The following IGSF10 variants were observed in gnomAD, a reference collection of about 807,000 sequenced individuals.
IGSF10 encodes calvaria mechanical force protein 608.
Under a neutral mutation model 128.2 loss-of-function variants are expected in IGSF10, and 126 were observed. The ratio of observed to expected loss-of-function variants is 0.98; its 90% CI spans 0.85 to 1.14. The LOEUF (loss-of-function observed/expected upper bound fraction) is 1.14. Among genes scored for constraint, IGSF10 ranks in the 50% most tolerant of loss-of-function variants. The probability of loss-of-function intolerance (pLI) is 0.00; values close to 1 mark genes in which losing one functional copy is unlikely to be tolerated. For missense variants in IGSF10, 3,295 were observed against 3,149.8 expected, an observed-to-expected ratio of 1.05 and a Z score of -1.10; for synonymous variants, 1,185 against 1,146.2, an observed-to-expected ratio of 1.03 and a Z score of -0.68.
the IGSF10 span, among the ~76,000 whole-genome samples, chr3:151,585,982 ATT>A: frequency 8.5e-5 from 12 of 141,866 alleles, no homozygotes; most frequent in Non-Finnish European, 6.2e-5. Flanking sequence ...CACATTAACC[ATT>A]TTTTTTTTTT....
At chr3:151,531,899 G>GT in the IGSF10 span, among the ~76,000 whole-genome samples, 110 of 151,922 alleles carry the variant, frequency 7.2e-4, no homozygotes, top group African/African-American at 1.2e-3. Context: ...CCAGGAGCTG[G>GT]TTTTTTTTAA....
chr3:151,570,147 G>A, the IGSF10 span, among the ~76,000 whole-genome samples: 9 of 152,264 alleles, frequency 5.9e-5, no homozygotes, highest in East Asian at 1.7e-3. Context: ...TTGGACATTT[G>A]GGTTGGTTCC....
At chr3:151,499,031 T>C in the IGSF10 span, among the ~76,000 whole-genome samples, 7 of 152,100 alleles carry the variant, frequency 4.6e-5, no homozygotes, top group African/African-American at 1.7e-4. Context: ...ATAGGAGGCA[T>C]TTACATTTAA....
At chr3:151,490,468 A>G in the IGSF10 span, among the ~76,000 whole-genome samples, 2 of 151,880 alleles carry the variant, frequency 1.3e-5, no homozygotes, top group Admixed American at 6.6e-5. Flanking sequence ...GATCAATTAG[A>G]CAGAAAATTA....
chr3:151,566,954 T>A, the IGSF10 span, among the ~76,000 whole-genome samples: 2 of 152,326 alleles, frequency 1.3e-5, no homozygotes, highest in East Asian at 3.9e-4. Flanking sequence ...TCGTCTAATG[T>A]CATAGCCTTT....
chr3:151,519,885 G>C, the IGSF10 span, among the ~76,000 whole-genome samples: 78,716 of 151,412 alleles, frequency 0.52, 21,152 homozygotes, highest in East Asian at 0.74. Context: ...TTTTCAAGCT[G>C]AAAGAAAGAC....
rs1720412033 is a variant in IGSF10 at position 151,437,364 on chromosome 3, A to AGAAAT, written c.7192_7196dup (p.Lys2400PhefsTer26). The stretch of plus-strand genomic sequence containing the variant: ...TTCCTGCATCCTCCCGAGTTGTTTT[A>AGAAAT]GAAATGATAAAAGAACCATTGCTTG... On this transcript the variant is annotated frameshift_variant, in exon 8 of 8. Transcript: ENST00000282466. LOFTEE classifies it low-confidence loss of function (END_TRUNC). 7 of 1,614,098 alleles carry AGAAAT rather than the reference A, an allele frequency of 4.3e-6. No individual in the cohort carries two copies. The highest frequency in any genetic ancestry group is 1.3e-5 in the African/African-American group (1 of 74,944).
chr3:151,494,067 G>A, the IGSF10 span, among the ~76,000 whole-genome samples: 2 of 151,992 alleles, frequency 1.3e-5, no homozygotes, highest in African/African-American at 4.8e-5. Flanking sequence ...ATACATTCCG[G>A]AAGAGAAAAT....
At position 151,437,239 on chromosome 3, in the gene IGSF10, G is replaced by C. The variant is rs1383607528; in HGVS notation, c.7322C>G (p.Thr2441Arg). 3.7e-6 allele frequency: 6 copies of C among 1,614,052 alleles called. No homozygotes were observed. The African/African-American group carries it at 8.0e-5, about 22-fold the overall frequency. Residue 2441 changes from threonine to arginine, a missense_variant, in exon 8 of 8, where the codon ACA becomes AGA. By Grantham distance (71) the Thr-to-Arg change is moderately conservative. Coordinates refer to ENST00000282466, the MANE Select transcript of IGSF10 (RefSeq NM_178822.5). ...AGATTCTCCACTGATGCCTTTTACT[G>C]TCCCTGGTGCATAGGTAAGAATAAC... ...KPVILTYAPGTVKGISGESLS... is the reference protein window; with the variant it reads ...KPVILTYAPGRVKGISGESLS...
the IGSF10 span, among the ~76,000 whole-genome samples, chr3:151,498,537 A>C: frequency 6.6e-6 from 1 of 152,186 alleles, no homozygotes. Context: ...AATCCAGCAT[A>C]TAAACAGAAC....
chr3:151,453,662 G>A lies in IGSF10; in HGVS notation c.437C>T (p.Pro146Leu), dbSNP rs1216778556. Residue 146 changes from proline to leucine, a missense_variant, in exon 5 of 8, where the codon CCA (proline) becomes CTA (leucine). Transcript: ENST00000282466. ...MDHNNIEFIN[P>L]EVFYGLNFLR... ...AAAGTTGAGCCCATAAAAAACCTCT[G>A]GGTTTATAAACTCAATATTGTTGTG... is the stretch of plus-strand genomic sequence containing the variant. The A allele has an allele frequency of 1.9e-6, 3 of 1,613,720 alleles. No homozygotes were observed. The highest frequency in any genetic ancestry group is 1.7e-5 in the Admixed American group (1 of 60,012).
chr3:151,521,625 A>C, the IGSF10 span, among the ~76,000 whole-genome samples: 1 of 152,030 alleles, frequency 6.6e-6, no homozygotes, highest in Admixed American at 6.6e-5. Context: ...TAAATAATGA[A>C]ATTCAAAAGC....
the IGSF10 span, among the ~76,000 whole-genome samples, chr3:151,616,323 C>T: frequency 6.6e-6 from 1 of 152,160 alleles, no homozygotes; most frequent in Non-Finnish European, 1.5e-5. Context: ...ATTCATCCAA[C>T]ATATATTTCA....
the IGSF10 span, among the ~76,000 whole-genome samples, chr3:151,496,124 G>T: frequency 5.3e-5 from 8 of 151,968 alleles, no homozygotes; most frequent in Non-Finnish European, 5.9e-5. Flanking sequence ...ACTCCTTCTT[G>T]GCTTGTATGT....
chr3:151,445,806 G>A lies in IGSF10; in HGVS notation c.4175C>T (p.Ala1392Val). Residue 1392 changes from alanine (A) to valine (V), a missense_variant, in exon 6 of 8, where the codon GCA (alanine) becomes GTA (valine). By Grantham distance (64) the Ala-to-Val change is moderately conservative (BLOSUM62 0). Transcript: ENST00000282466. ...GTTTTCTGGTGGGGAATGAGTGAATGCAGAGACACTGGGCTTGACTGAAGT... is the reference window on the plus strand; with the variant it reads ...GTTTTCTGGTGGGGAATGAGTGAATACAGAGACACTGGGCTTGACTGAAGT... ...AETSVKPSVSAFTHSPPENTT... is the reference protein window; with the variant it reads ...AETSVKPSVSVFTHSPPENTT... 2 of 1,614,222 alleles carry A rather than the reference G, an allele frequency of 1.2e-6. No homozygotes were observed. Among genetic ancestry groups the A allele is most frequent in the Non-Finnish European group, 1.7e-6 (2 of 1,180,034 alleles).
the IGSF10 span, among the ~76,000 whole-genome samples, chr3:151,538,768 A>G: frequency 3.3e-5 from 5 of 152,326 alleles, no homozygotes; most frequent in Admixed American, 2.0e-4. Context: ...TAGTCACAGA[A>G]CAATGTTGAG....
At chr3:151,596,707 G>A in the IGSF10 span, among the ~76,000 whole-genome samples, 72,455 of 151,918 alleles carry the variant, frequency 0.48, 18,027 homozygotes, top group African/African-American at 0.63. Flanking sequence ...AATTTATGCT[G>A]GTCAGGTTTT....
the IGSF10 span, among the ~76,000 whole-genome samples, chr3:151,575,066 T>C: frequency 6.6e-6 from 1 of 152,200 alleles, no homozygotes; most frequent in Admixed American, 6.5e-5. Context: ...GAACAGCAGA[T>C]ATTGCAGAAA....
At chr3:151,537,613 C>T in the IGSF10 span, among the ~76,000 whole-genome samples, 1 of 152,262 alleles carries the variant, frequency 6.6e-6, no homozygotes, top group Admixed American at 6.5e-5. Context: ...AGTTTAGCCA[C>T]ACTGTCAAAA....
Sources: allele counts gnomAD v4.1 joint callset (sites outside exome capture counted in the v4.1 genomes callset), GRCh38; gene constraint gnomAD v4.1.1; transcripts MANE v1.5; gene names NCBI Gene and HGNC (gene_info 2026-07-23, HGNC 2026-07-21).